The following VAT1L variants were observed in gnomAD, a reference collection of about 807,000 sequenced individuals.
VAT1L encodes the protein putative NADPH-dependent quinone oxidoreductase VAT1L.
A neutral mutation model predicts 44.1 loss-of-function variants in VAT1L; 34 were observed. The ratio of observed to expected loss-of-function variants is 0.77; its 90% CI spans 0.59 to 1.03. VAT1L has a LOEUF of 1.03. Among genes scored for constraint, VAT1L ranks in the 50% least tolerant of loss-of-function variants. The pLI is 0.00. For missense variants in VAT1L, 615 were observed against 538.8 expected, an observed-to-expected ratio of 1.14 and a Z score of -1.40; for synonymous variants, 253 against 202.2, an observed-to-expected ratio of 1.25 and a Z score of -2.13.
intron 7 of VAT1L, among the ~76,000 whole-genome samples, chr16:77,888,416 G>C (rs945317422): frequency 1.3e-5 from 2 of 152,174 alleles, no homozygotes; most frequent in Admixed American, 1.3e-4. Flanking sequence ...CACCAATACA[G>C]AGAAAGAGGA....
intron 8 of VAT1L, among the ~76,000 whole-genome samples, chr16:77,976,214 T>A (rs942823598): frequency 6.6e-6 from 1 of 152,172 alleles, no homozygotes; most frequent in Admixed American, 6.5e-5. Flanking sequence ...CAGATGGACA[T>A]TGGCCAATGA....
At chr16:77,869,868 T>C (rs1404339877) in intron 4 of VAT1L, among the ~76,000 whole-genome samples, 2 of 152,176 alleles carry the variant, frequency 1.3e-5, no homozygotes, top group Non-Finnish European at 1.5e-5. Flanking sequence ...CTTCACCCGA[T>C]AGCAGTCATA....
intron 4 of VAT1L, among the ~76,000 whole-genome samples, 172 bp from the exon 5 acceptor site, chr16:77,876,198 G>C (rs530789593): frequency 6.6e-6 from 1 of 152,248 alleles, no homozygotes; most frequent in South Asian, 2.1e-4. Context: ...TTTATCACTG[G>C]ATCTGGGAAG....
At chr16:77,919,932 T>C (rs1252383358) in intron 7 of VAT1L, among the ~76,000 whole-genome samples, 3 of 151,808 alleles carry the variant, frequency 2.0e-5, no homozygotes. Flanking sequence ...ACTAAATAAA[T>C]AAATAGCCGA....
chr16:77,901,118 A>T (rs1012106426), intron 7 of VAT1L, among the ~76,000 whole-genome samples: 4 of 150,710 alleles, frequency 2.7e-5, no homozygotes, highest in African/African-American at 9.8e-5. Flanking sequence ...AGATATACAA[A>T]CAAGATGGTG....
In VAT1L at chr16:77,874,848, A is replaced by AT. The variant is rs1442092262; in HGVS notation, c.723-1522_723-1521insT. Among the ~76,000 whole-genome samples the AT allele has an allele frequency of 7.1e-4, 106 of 150,000 alleles. 3 individuals carry two copies. Among genetic ancestry groups the AT allele is most frequent in the Admixed American group, 2.1e-3 (31 of 14,996 alleles). ...TGAACAAATTAATTTGTAAAAAAAA[A>AT]AAAAAAAAAAAAAAAGCCAGTCTGG... On this transcript the variant is annotated intron_variant, in intron 4 of 8. Transcript: ENST00000302536.
chr16:77,842,852 A>T (rs1027200759), intron 3 of VAT1L, among the ~76,000 whole-genome samples: 5 of 152,234 alleles, frequency 3.3e-5, no homozygotes, highest in African/African-American at 1.2e-4. Context: ...GTAAATTTGT[A>T]TGCATAATAT....
intron 8 of VAT1L, among the ~76,000 whole-genome samples, chr16:77,976,604 A>G (rs79322874): frequency 0.045 from 6,928 of 152,272 alleles, 443 homozygotes; most frequent in East Asian, 0.24. Context: ...ATAAGAACAG[A>G]AAAGAAATCT....
At chr16:77,911,892 GGGA>G (rs1156571752) in intron 7 of VAT1L, among the ~76,000 whole-genome samples, 1 of 152,190 alleles carries the variant, frequency 6.6e-6, no homozygotes, top group African/African-American at 2.4e-5. Context: ...TATTTGTCAA[GGGA>G]GGAGGATAGA....
At chr16:77,796,498 G>A (rs1290317671) in intron 1 of VAT1L, among the ~76,000 whole-genome samples, 5 of 152,360 alleles carry the variant, frequency 3.3e-5, no homozygotes, top group Admixed American at 3.3e-4. Context: ...TTTGGGTTCA[G>A]ATCCTAACTC....
intron 7 of VAT1L, among the ~76,000 whole-genome samples, chr16:77,948,152 A>G (rs2017993580): frequency 6.6e-6 from 1 of 152,180 alleles, no homozygotes; most frequent in Non-Finnish European, 1.5e-5. Context: ...ATTCATAGCT[A>G]GGATATAGCT....
At chr16:77,797,400 C>T (rs1334240012) in intron 1 of VAT1L, among the ~76,000 whole-genome samples, 3 of 152,142 alleles carry the variant, frequency 2.0e-5, no homozygotes, top group East Asian at 1.9e-4. Context: ...CGTGAGCCAC[C>T]GCGCCCAGCA....
chr16:77,959,068 T>C (rs182437860), intron 7 of VAT1L, among the ~76,000 whole-genome samples: 2 of 152,228 alleles, frequency 1.3e-5, no homozygotes, highest in Non-Finnish European at 2.9e-5. Context: ...GTGCTGATCC[T>C]GCACTTGTGT....
At chr16:77,937,567 G>A (rs2017817910) in intron 7 of VAT1L, among the ~76,000 whole-genome samples, 1 of 152,254 alleles carries the variant, frequency 6.6e-6, no homozygotes. Context: ...AGTTAGAAGA[G>A]AAGTGATTTC....
intron 7 of VAT1L, among the ~76,000 whole-genome samples, chr16:77,939,271 C>G (rs182494062): frequency 6.6e-6 from 1 of 152,326 alleles, no homozygotes; most frequent in East Asian, 1.9e-4. Context: ...ATTTGAGCAA[C>G]ACTCTGTGGG....
At chr16:77,925,307 A>C (rs1418092072) in intron 7 of VAT1L, among the ~76,000 whole-genome samples, 1 of 152,142 alleles carries the variant, frequency 6.6e-6, no homozygotes, top group Non-Finnish European at 1.5e-5. Context: ...AATTGGCCAA[A>C]CCATCTACCC....
rs769675875 is a variant in VAT1L, at chr16:77,862,759, G to A, written c.591G>A (p.Val197=). The part of the protein sequence containing the change: ...HSAGGGVGQA[V]AQLCSTVPNV... ...TCTTTTCCTTCCAGGGTCAAGCTGT[G>A]GCTCAGCTGTGTTCCACTGTCCCCA... Residue 197 remains valine, a synonymous_variant, in exon 4 of 9, where the codon GTG becomes GTA. Transcript: ENST00000302536. The A allele has an allele frequency of 6.2e-7, 1 of 1,613,578 alleles. No individual in the cohort carries two copies. Among genetic ancestry groups the A allele is most frequent in the South Asian group, 1.1e-5 (1 of 90,934 alleles).
At chr16:77,820,244 T>C (rs1191616168) in intron 2 of VAT1L, among the ~76,000 whole-genome samples, 2 of 152,076 alleles carry the variant, frequency 1.3e-5, no homozygotes, top group Non-Finnish European at 2.9e-5. Flanking sequence ...TAGGAGGAGA[T>C]GACAATAGTC....
At chr16:77,950,409 AACACACACACAC>A (rs61168492) in intron 7 of VAT1L, among the ~76,000 whole-genome samples, 3,750 of 131,456 alleles carry the variant, frequency 0.029, 106 homozygotes, top group Admixed American at 0.075. Context: ...ATTCCATCTA[AACACACACACAC>A]ACACACACAC....
Sources: gnomAD v4.1 joint callset for allele counts (sites outside exome capture counted in the v4.1 genomes callset) on GRCh38, gnomAD v4.1.1 for gene constraint, MANE v1.5 for transcripts, NCBI Gene and HGNC (gene_info 2026-07-23, HGNC 2026-07-21) for gene names.